ZC3H7B: variants seen among roughly 807,000 people sequenced by gnomAD.
ZC3H7B encodes the protein zinc finger CCCH-type containing 7B.
ZC3H7B carries 35 observed loss-of-function variants against 116.0 expected under a neutral mutation model. The ratio of observed to expected loss-of-function variants is 0.30; its 90% CI spans 0.23 to 0.40. The LOEUF (loss-of-function observed/expected upper bound fraction) is 0.40. Among genes scored for constraint, ZC3H7B ranks in the 10% least tolerant of loss-of-function variants. The probability of loss-of-function intolerance (pLI) is 1.00; values close to 1 mark genes in which losing one functional copy is unlikely to be tolerated. For missense variants in ZC3H7B, 1,011 were observed against 1,321.5 expected, an observed-to-expected ratio of 0.77 and a Z score of 3.64; for synonymous variants, 502 against 545.6, an observed-to-expected ratio of 0.92 and a Z score of 1.11.
chr22:41,345,981 G>A (rs776605554), intron 13 of ZC3H7B, 22 bp from the exon 14 acceptor site: 5 of 1,613,654 alleles, frequency 3.1e-6, no homozygotes, highest in Non-Finnish European at 4.2e-6. Flanking sequence ...GGCGGAACGT[G>A]TGTCCTGTTG....
At chr22:41,347,769 A>G (rs2036605758) in intron 14 of ZC3H7B, among the ~76,000 whole-genome samples, 1 of 152,126 alleles carries the variant, frequency 6.6e-6, no homozygotes, top group Non-Finnish European at 1.5e-5. Flanking sequence ...TTCATAAAGA[A>G]CTTGCCATTC....
At chr22:41,323,151 A>G (rs1250514161) in intron 2 of ZC3H7B, among the ~76,000 whole-genome samples, 1 of 152,076 alleles carries the variant, frequency 6.6e-6, no homozygotes, top group East Asian at 1.9e-4. Context: ...GCATGGCCCC[A>G]AGTTCAGCAC....
At chr22:41,356,142 A>G (rs1476246988) in intron 20 of ZC3H7B, 80 bp downstream of exon 20, 2 of 1,458,860 alleles carry the variant, frequency 1.4e-6, no homozygotes, top group African/African-American at 2.8e-5. Context: ...AGCGGGCCCA[A>G]GAGCGTCCAC....
chr22:41,325,635 C>T (rs377496716), intron 3 of ZC3H7B, 38 bp downstream of exon 3: 28 of 1,609,902 alleles, frequency 1.7e-5, no homozygotes, highest in Non-Finnish European at 2.3e-5. Context: ...AGGTGAAGGG[C>T]GGAGATGTGC....
chr22:41,313,070 A>C lies in ZC3H7B; in HGVS notation c.-6-7585A>C, dbSNP rs115928987. On this transcript the variant is annotated intron_variant, in intron 1 of 22. Coordinates refer to ENST00000352645, the MANE Select transcript of ZC3H7B (RefSeq NM_017590.6). The stretch of plus-strand genomic sequence containing the variant: ...GCTCAAAATGGGGGTTTGTTTTCTC[A>C]CATAAAAAATGAGGTGGGGCAGTTC... Among the ~76,000 whole-genome samples, 1,256 of 152,112 alleles carry C rather than the reference A, an allele frequency of 8.3e-3. 18 individuals carry two copies. Among genetic ancestry groups the C allele is most frequent in the African/African-American group, 0.029 (1,208 of 41,506 alleles).
chr22:41,318,398 A>G (rs1250326577), intron 1 of ZC3H7B, among the ~76,000 whole-genome samples: 4 of 152,004 alleles, frequency 2.6e-5, no homozygotes, highest in East Asian at 3.9e-4. Context: ...GTGTGGTGGC[A>G]GGCGCCTGTA....
chr22:41,314,023 C>A (rs996515844), intron 1 of ZC3H7B, among the ~76,000 whole-genome samples: 1 of 149,478 alleles, frequency 6.7e-6, no homozygotes. Context: ...CCAAAGTGCT[C>A]GGATTATAGG....
intron 13 of ZC3H7B, among the ~76,000 whole-genome samples, 153 bp downstream of exon 13, chr22:41,343,729 G>A (rs112233117): frequency 0.014 from 2,203 of 152,340 alleles, 67 homozygotes; most frequent in African/African-American, 0.05. Context: ...CCTGGGGCCC[G>A]TGCAGGATGA....
At chr22:41,310,363 C>T (rs1442689658) in intron 1 of ZC3H7B, among the ~76,000 whole-genome samples, 1 of 152,172 alleles carries the variant, frequency 6.6e-6, no homozygotes, top group Non-Finnish European at 1.5e-5. Context: ...ATCATCATCC[C>T]TGTCTCCCAG....
At position 41,304,772 on chromosome 22, in the gene ZC3H7B, G is replaced by A. The variant is rs975878004; in HGVS notation, c.-7+3000G>A. ...TCTCTCGAATTGTTATAGTAGCTCC[G>A]TGAGGGGTGGGCATTATAATCTCCA... On this transcript the variant is annotated intron_variant, in intron 1 of 22. Coordinates refer to ENST00000352645, the MANE Select transcript of ZC3H7B (RefSeq NM_017590.6). Among the ~76,000 whole-genome samples the A allele has an allele frequency of 7.9e-5, 12 of 152,180 alleles. 1 individual carries two copies. Among genetic ancestry groups the A allele is most frequent in the Admixed American group, 7.2e-4 (11 of 15,278 alleles).
chr22:41,341,698 G>A (rs781719543), intron 11 of ZC3H7B, among the ~76,000 whole-genome samples: 49 of 152,014 alleles, frequency 3.2e-4, no homozygotes, highest in Non-Finnish European at 6.0e-4. Context: ...AGCCGAGATC[G>A]CGCCACTGCA....
Position 41,355,797 on chromosome 22 carries a change from G to T in ZC3H7B, c.2209G>T (p.Ala737Ser). ...ERRVLLVMSK[A>S]KRKWVSVRPL... ...GCGGGTCCTTCTGGTGATGTCCAAG[G>T]CCAAGAGGAAATGGGTGTCAGTGAG... Residue 737 changes from alanine to serine, a missense_variant, in exon 19 of 23, where the codon GCC (alanine) becomes TCC (serine). Coordinates refer to ENST00000352645, the MANE Select transcript of ZC3H7B (RefSeq NM_017590.6). 1 of 1,613,594 alleles carries T rather than the reference G, an allele frequency of 6.2e-7. No individual in the cohort carries two copies. The highest frequency in any genetic ancestry group is 1.3e-5 in the African/African-American group (1 of 75,058).
chr22:41,345,933 CG>C (rs1428422102), intron 13 of ZC3H7B, 69 bp from the exon 14 acceptor site: 1 of 1,516,856 alleles, frequency 6.6e-7, no homozygotes, highest in Non-Finnish European at 9.1e-7. Context: ...CAGGCCGCAG[CG>C]GGGTGGCGAG....
In ZC3H7B at chr22:41,329,946, G is replaced by T. The variant is rs192831220; in HGVS notation, c.445-77G>T. 1.8e-5 allele frequency: 27 copies of T among 1,502,678 alleles called. 1 individual carries two copies. In the African/African-American group the frequency reaches 2.7e-4, roughly 15 times the overall value. 93.1% of individuals were successfully genotyped at this position (1,502,678 alleles called of 1,614,324 possible). On this transcript the variant is annotated intron_variant, in intron 5 of 22. Transcript: ENST00000352645. ...GGTGACTATGACCTCCCTCCGTAGG[G>T]CTGCACAGGTGTCCAGGAGCACAGC...
chr22:41,343,144 G>C (rs2036542375), intron 12 of ZC3H7B, among the ~76,000 whole-genome samples: 1 of 152,192 alleles, frequency 6.6e-6, no homozygotes, highest in South Asian at 2.1e-4. Flanking sequence ...CTGCACTCCA[G>C]CCTGGGTGAC....
At chr22:41,340,632 G>A (rs1010606418) in intron 10 of ZC3H7B, among the ~76,000 whole-genome samples, 1 of 152,156 alleles carries the variant, frequency 6.6e-6, no homozygotes, top group Non-Finnish European at 1.5e-5. Context: ...GTCGGGGCAC[G>A]GAGGGGACTT....
At chr22:41,340,854 G>T (rs2036513600) in intron 10 of ZC3H7B, among the ~76,000 whole-genome samples, 1 of 152,174 alleles carries the variant, frequency 6.6e-6, no homozygotes, top group Non-Finnish European at 1.5e-5. Context: ...TTCTCCTACG[G>T]GCAGCGGGAA....
chr22:41,355,799 C>G lies in ZC3H7B; in HGVS notation c.2211C>G (p.Ala737=), dbSNP rs371030615. Residue 737 remains alanine, a synonymous_variant, in exon 19 of 23, where the codon GCC becomes GCG. Coordinates refer to ENST00000352645, the MANE Select transcript of ZC3H7B (RefSeq NM_017590.6). ...ERRVLLVMSK[A]KRKWVSVRPL... ...GGGTCCTTCTGGTGATGTCCAAGGC[C>G]AAGAGGAAATGGGTGTCAGTGAGGC... is the stretch of plus-strand genomic sequence containing the variant. 3 of 1,613,508 alleles carry G rather than the reference C, an allele frequency of 1.9e-6. No homozygotes were observed. The African/African-American group carries it at 4.0e-5, about 22-fold the overall frequency.
intron 2 of ZC3H7B, among the ~76,000 whole-genome samples, chr22:41,323,425 G>A (rs575046438): frequency 1.3e-5 from 2 of 152,356 alleles, no homozygotes; most frequent in Admixed American, 1.3e-4. Context: ...ACTGATGTCT[G>A]TAGAGCTGGA....
Sources: gnomAD v4.1 joint callset for allele counts (sites outside exome capture counted in the v4.1 genomes callset) on GRCh38, gnomAD v4.1.1 for gene constraint, MANE v1.5 for transcripts, NCBI Gene and HGNC (gene_info 2026-07-23, HGNC 2026-07-21) for gene names.